ELL: variants seen among roughly 807,000 people sequenced by gnomAD.
ELL encodes the protein elongation factor for RNA polymerase II.
In ELL, 18 loss-of-function variants were observed where a neutral mutation model predicts 64.0. The ratio of observed to expected loss-of-function variants is 0.28; its 90% CI spans 0.19 to 0.42. ELL has a LOEUF of 0.42. Ranked by LOEUF, ELL falls within the 10% of genes least tolerant of loss-of-function variation. ELL has a pLI of 1.00. For synonymous variants in ELL, 399 were observed against 376.2 expected, an observed-to-expected ratio of 1.06 and a Z score of -0.70; for missense variants, 797 against 870.4, an observed-to-expected ratio of 0.92 and a Z score of 1.06.
chr19:18,510,080 T>C (rs914004081), intron 1 of ELL, among the ~76,000 whole-genome samples: 1 of 152,166 alleles, frequency 6.6e-6, no homozygotes. Context: ...CAGAAACCCA[T>C]GTCCCAGCTG....
rs561770102 is a variant in ELL, at chr19:18,444,692, C to T, written c.*60G>A. 451 of 1,479,482 alleles carry T rather than the reference C, an allele frequency of 3.0e-4. 2 individuals are homozygous for T. In the African/African-American group the frequency reaches 5.9e-3, roughly 20 times the overall value. The allele number at this position is 1,479,482 out of a possible 1,614,324, so 91.6% of individuals were successfully genotyped here. On this transcript the variant is annotated 3_prime_UTR_variant, in exon 12 of 12. Coordinates refer to ENST00000262809, the MANE Select transcript of ELL (RefSeq NM_006532.4). ...CTCGGGTTTATTTTTTTAAATAAAT[C>T]CTCTCTCACCGCCTTTTGCTCCCCC... is the stretch of plus-strand genomic sequence containing the variant.
intron 5 of ELL, 33 bp downstream of exon 5, chr19:18,461,545 C>T (rs117956919): frequency 0.041 from 64,764 of 1,568,112 alleles, 1,748 homozygotes; most frequent in Non-Finnish European, 0.047. Context: ...GCGGAGACCA[C>T]TGGTAAAGAC....
intron 11 of ELL, 24 bp from the exon 12 acceptor site, chr19:18,444,892 C>A: frequency 6.3e-7 from 1 of 1,597,454 alleles, no homozygotes. Flanking sequence ...CAGTCATGCT[C>A]AGGACAGAGC....
chr19:18,472,908 A>C, intron 1 of ELL, 26 bp from the exon 2 acceptor site: 1 of 1,537,384 alleles, frequency 6.5e-7, no homozygotes, highest in Non-Finnish European at 8.7e-7. Flanking sequence ...AAAAAAAAAA[A>C]AGGTGAGGGG....
intron 1 of ELL, among the ~76,000 whole-genome samples, chr19:18,486,998 G>A (rs886189697): frequency 5.9e-5 from 9 of 152,274 alleles, no homozygotes; most frequent in Non-Finnish European, 8.8e-5. Flanking sequence ...GGCCTCCACC[G>A]TCAGCTACAT....
At chr19:18,485,985 C>CAAAAA (rs1240459805) in intron 1 of ELL, among the ~76,000 whole-genome samples, 4 of 112,556 alleles carry the variant, frequency 3.6e-5, no homozygotes, top group African/African-American at 6.7e-5. Flanking sequence ...GACTCTGTCT[C>CAAAAA]AAAAAAAAAA....
At chr19:18,445,431 G>C in intron 10 of ELL, 163 bp from the exon 11 acceptor site, 1 of 721,422 alleles carries the variant, frequency 1.4e-6, no homozygotes, top group South Asian at 1.6e-5. Flanking sequence ...CTGTAGCTCC[G>C]GAGTGGGTGG....
chr19:18,500,679 G>GT (rs1975763734), intron 1 of ELL, among the ~76,000 whole-genome samples: 1 of 152,096 alleles, frequency 6.6e-6, no homozygotes, highest in African/African-American at 2.4e-5. Context: ...CTCTCCCTGT[G>GT]CCAGGCCCCG....
chr19:18,476,577 T>C (rs1346965206), intron 1 of ELL, among the ~76,000 whole-genome samples: 2 of 151,468 alleles, frequency 1.3e-5, no homozygotes, highest in Admixed American at 1.3e-4. Flanking sequence ...TCAAGACTCC[T>C]TTCTTGCCAA....
intron 1 of ELL, among the ~76,000 whole-genome samples, chr19:18,519,822 A>G (rs1052377325): frequency 1.2e-5 from 1 of 80,154 alleles, no homozygotes; most frequent in Non-Finnish European, 2.3e-5. Flanking sequence ...AAAAAAAAAA[A>G]AAGAAAGAAA....
In ELL at chr19:18,450,786, G is replaced by A. The variant is rs1351770716; in HGVS notation, c.1156C>T (p.Pro386Ser). Residue 386 changes from proline to serine, a missense_variant, in exon 8 of 12, where the codon CCG (proline) becomes TCG (serine). By Grantham distance (74) the Pro-to-Ser change is moderately conservative. Coordinates refer to ENST00000262809, the MANE Select transcript of ELL (RefSeq NM_006532.4). ...TGGGCCCTCGGGGGCTCCAGCCGCGGGGGCAGGTGAGTGCTGGAGCTGAGG... is the reference window on the plus strand; with the variant it reads ...TGGGCCCTCGGGGGCTCCAGCCGCGAGGGCAGGTGAGTGCTGGAGCTGAGG... ...DTLSSSTHLP[P>S]RLEPPRAHDP... 18 of 1,581,550 alleles carry A rather than the reference G, an allele frequency of 1.1e-5. No homozygotes were observed. Among genetic ancestry groups the A allele is most frequent in the Non-Finnish European group, 1.2e-5 (14 of 1,163,776 alleles).
chr19:18,482,940 C>T (rs946599784), intron 1 of ELL, among the ~76,000 whole-genome samples: 16 of 151,852 alleles, frequency 1.1e-4, no homozygotes, highest in Non-Finnish European at 1.2e-4. Context: ...TGCCCAGCTA[C>T]GTTGTTTTTT....
At chr19:18,460,616 C>T (rs933538531) in intron 5 of ELL, among the ~76,000 whole-genome samples, 1 of 152,252 alleles carries the variant, frequency 6.6e-6, no homozygotes, top group African/African-American at 2.4e-5. Flanking sequence ...AACAGGGTCC[C>T]ACCAGCCGCG....
At chr19:18,454,876 C>T (rs1045956784) in intron 6 of ELL, among the ~76,000 whole-genome samples, 2 of 135,766 alleles carry the variant, frequency 1.5e-5, no homozygotes, top group Non-Finnish European at 3.2e-5. Flanking sequence ...TGGCTGGGCA[C>T]GGTGGCTCAC....
In ELL at chr19:18,444,745, A is replaced by G; in HGVS notation, c.*7T>C. ...CCCTCCCAGATCCCCGCCATCGGGG[A>G]GGGCGGCTAGGGCCAAGCCTGCAGC... On this transcript the variant is annotated 3_prime_UTR_variant, in exon 12 of 12. Transcript: ENST00000262809. 6.3e-7 allele frequency: 1 copy of G among 1,593,376 alleles called. No homozygotes were observed. Among genetic ancestry groups the G allele is most frequent in the South Asian group, 1.1e-5 (1 of 90,490 alleles).
chr19:18,480,234 A>C (rs1975270595), intron 1 of ELL, among the ~76,000 whole-genome samples: 1 of 152,182 alleles, frequency 6.6e-6, no homozygotes, highest in Non-Finnish European at 1.5e-5. Flanking sequence ...CTTTCCAGTA[A>C]AGCACAAATG....
intron 1 of ELL, among the ~76,000 whole-genome samples, chr19:18,515,234 T>A (rs1329985583): frequency 6.6e-6 from 1 of 152,196 alleles, no homozygotes; most frequent in Non-Finnish European, 1.5e-5. Flanking sequence ...AGCTGGCTTG[T>A]CCTCTTCTAG....
chr19:18,471,002 A>G (rs1012292141), intron 2 of ELL: 1 of 456,576 alleles, frequency 2.2e-6, no homozygotes, highest in South Asian at 1.5e-5. Context: ...CATCATGTCC[A>G]TATCCCCACA....
At chr19:18,478,398 C>T (rs1289872229) in intron 1 of ELL, among the ~76,000 whole-genome samples, 1 of 152,188 alleles carries the variant, frequency 6.6e-6, no homozygotes, top group African/African-American at 2.4e-5. Context: ...CCATCTCACA[C>T]CCAAGAACAC....
Sources: allele counts gnomAD v4.1 joint callset (sites outside exome capture counted in the v4.1 genomes callset), GRCh38; gene constraint gnomAD v4.1.1; transcripts MANE v1.5; gene names NCBI Gene and HGNC (gene_info 2026-07-23, HGNC 2026-07-21).